The following FAM120B variants were observed in gnomAD, a reference collection of about 807,000 sequenced individuals.
The protein encoded by FAM120B is constitutive coactivator of peroxisome proliferator-activated receptor gamma.
Under a neutral mutation model 96.3 loss-of-function variants are expected in FAM120B, and 83 were observed. That is an observed-to-expected ratio of 0.86 (90% CI 0.72 to 1.03). The LOEUF is 1.03. Ranked by LOEUF, FAM120B falls within the 50% of genes least tolerant of loss-of-function variation. FAM120B has a pLI of 0.00. For missense variants in FAM120B, 1,027 were observed against 1,121.2 expected (o/e 0.92, Z 1.20); for synonymous variants, 407 against 402.7 (o/e 1.01, Z -0.13).
chr6:170,353,357 T>C (rs982835267), intron 5 of FAM120B, among the ~76,000 whole-genome samples: 2 of 152,212 alleles, frequency 1.3e-5, no homozygotes, highest in African/African-American at 2.4e-5. Flanking sequence ...CTGAAACTGT[T>C]CCAAAATATT....
intron 4 of FAM120B, among the ~76,000 whole-genome samples, chr6:170,343,583 A>T (rs1322669728): frequency 6.6e-6 from 1 of 152,044 alleles, no homozygotes; most frequent in Non-Finnish European, 1.5e-5. Context: ...CTCAAGAGCC[A>T]ATTCCTTTAT....
At chr6:170,393,319 T>G (rs1339596623) in intron 8 of FAM120B, among the ~76,000 whole-genome samples, 1 of 152,170 alleles carries the variant, frequency 6.6e-6, no homozygotes, top group Non-Finnish European at 1.5e-5. Context: ...CAAACTCCTC[T>G]TTCATTTCAG....
At chr6:170,306,875 TC>T (rs1784314071) in intron 1 of FAM120B, 33 bp downstream of exon 1, 1 of 152,258 alleles carries the variant, frequency 6.6e-6, no homozygotes, top group African/African-American at 2.4e-5. Context: ...CCGCGGGTCT[TC>T]CGGGCCGCTC....
intron 1 of FAM120B, among the ~76,000 whole-genome samples, chr6:170,296,805 G>A (rs2114975789): frequency 6.6e-6 from 1 of 152,248 alleles, no homozygotes; most frequent in East Asian, 1.9e-4. Flanking sequence ...CCCTGCGGCC[G>A]CCACCCTCCG....
At chr6:170,395,720 C>T (rs1790692073) in intron 9 of FAM120B, 141 bp downstream of exon 9, 1 of 628,316 alleles carries the variant, frequency 1.6e-6, no homozygotes, top group Non-Finnish European at 2.9e-6. Flanking sequence ...ACCAATGCAT[C>T]TAATTTTTAT....
chr6:170,352,920 A>C (rs1290076615), intron 5 of FAM120B, among the ~76,000 whole-genome samples: 1 of 152,080 alleles, frequency 6.6e-6, no homozygotes, highest in Non-Finnish European at 1.5e-5. Flanking sequence ...GACACAAAAA[A>C]CCTTTTAAAA....
intron 5 of FAM120B, among the ~76,000 whole-genome samples, chr6:170,357,054 G>A (rs918101870): frequency 6.6e-6 from 1 of 152,054 alleles, no homozygotes; most frequent in African/African-American, 2.4e-5. Context: ...ATTTATGGTG[G>A]GGTTGTTTTT....
intron 3 of FAM120B, among the ~76,000 whole-genome samples, chr6:170,328,193 A>G (rs75078074): frequency 0.019 from 2,932 of 152,296 alleles, 100 homozygotes; most frequent in African/African-American, 0.067. Context: ...TCTTTATATC[A>G]TTCTATAAGC....
intron 9 of FAM120B, among the ~76,000 whole-genome samples, chr6:170,396,534 A>G (rs1004779719): frequency 4.6e-5 from 7 of 152,164 alleles, no homozygotes; most frequent in African/African-American, 1.4e-4. Flanking sequence ...TTAGATTTAC[A>G]TTTGCTTGAG....
At chr6:170,377,961 AC>A (rs1408041061) in intron 6 of FAM120B, among the ~76,000 whole-genome samples, 1 of 141,268 alleles carries the variant, frequency 7.1e-6, no homozygotes, top group Non-Finnish European at 1.6e-5. Flanking sequence ...AACCCTTAGA[AC>A]AGAGCAGTTA....
intron 5 of FAM120B, among the ~76,000 whole-genome samples, chr6:170,357,093 A>G (rs1788001911): frequency 6.6e-6 from 1 of 152,116 alleles, no homozygotes; most frequent in Non-Finnish European, 1.5e-5. Context: ...AGCCATTTTT[A>G]ATATCCAAGA....
intron 5 of FAM120B, among the ~76,000 whole-genome samples, chr6:170,349,676 A>T (rs1341038535): frequency 6.6e-6 from 1 of 152,232 alleles, no homozygotes; most frequent in Non-Finnish European, 1.5e-5. Context: ...GTAGGATGGC[A>T]GGAACTATTT....
chr6:170,345,000 G>A (rs555693663), intron 4 of FAM120B, among the ~76,000 whole-genome samples: 217 of 152,296 alleles, frequency 1.4e-3, no homozygotes, highest in African/African-American at 4.9e-3. Flanking sequence ...AGTTGGACAC[G>A]AGTGTATTTG....
intron 9 of FAM120B, among the ~76,000 whole-genome samples, chr6:170,396,354 T>A (rs1488700344): frequency 6.6e-6 from 1 of 152,186 alleles, no homozygotes; most frequent in Non-Finnish European, 1.5e-5. Flanking sequence ...GGGCCGCACA[T>A]CTGTTGAGTA....
At chr6:170,402,930 A>G (rs996856488) in intron 9 of FAM120B, among the ~76,000 whole-genome samples, 1 of 152,188 alleles carries the variant, frequency 6.6e-6, no homozygotes, top group African/African-American at 2.4e-5. Flanking sequence ...ATTGGAGTAG[A>G]TCATAACAGT....
rs1784988802 is a variant in FAM120B, at chr6:170,317,719, G to A, written c.329G>A (p.Arg110Lys). ...EWVKRRLKNNREISRIFHYIK... is the reference protein window; with the variant it reads ...EWVKRRLKNNKEISRIFHYIK... ...GTGAAACGAAGGCTCAAGAACAACA[G>A]GGAGATATCCAGGATTTTTCATTAC... Residue 110 changes from arginine to lysine, a missense_variant, in exon 2 of 11, where the codon AGG (arginine) becomes AAG (lysine). Arg to Lys is a conservative substitution (Grantham distance 26, BLOSUM62 2). Coordinates refer to ENST00000476287, the MANE Select transcript of FAM120B (RefSeq NM_032448.3). 6.2e-7 allele frequency: 1 copy of A among 1,614,060 alleles called. No individual in the cohort carries two copies. The highest frequency in any genetic ancestry group is 8.5e-7 in the Non-Finnish European group (1 of 1,180,026).
chr6:170,358,374 C>T, intron 6 of FAM120B, 56 bp downstream of exon 6: 2 of 1,210,832 alleles, frequency 1.7e-6, no homozygotes, highest in Non-Finnish European at 2.4e-6. Flanking sequence ...GCAGTCCAGC[C>T]TTCTCTTTCC....
intron 1 of FAM120B, chr6:170,298,145 T>C (rs1381965218): frequency 6.6e-6 from 1 of 152,208 alleles, no homozygotes; most frequent in Non-Finnish European, 1.5e-5. Context: ...AACCAAGCTC[T>C]TTCTTTCCTT....
chr6:170,351,972 C>T (rs186790307), intron 5 of FAM120B, among the ~76,000 whole-genome samples: 173 of 152,232 alleles, frequency 1.1e-3, no homozygotes, highest in African/African-American at 3.9e-3. Flanking sequence ...GCTAAATGCC[C>T]CAGTTAAAAG....
Sources: allele counts gnomAD v4.1 joint callset (sites outside exome capture counted in the v4.1 genomes callset), GRCh38; gene constraint gnomAD v4.1.1; transcripts MANE v1.5; gene names NCBI Gene and HGNC (gene_info 2026-07-23, HGNC 2026-07-21).